The following PLCD3 variants were observed in gnomAD, a reference collection of about 807,000 sequenced individuals.
PLCD3 encodes the protein phospholipase C delta 3, also known as 1-phosphatidylinositol 4,5-bisphosphate phosphodiesterase delta-3.
Under a neutral mutation model 82.8 loss-of-function variants are expected in PLCD3, and 62 were observed. The observed-to-expected ratio is 0.75, with a 90% confidence interval of 0.61 to 0.93. The LOEUF (loss-of-function observed/expected upper bound fraction) is 0.93. PLCD3 is among the 40% of genes least tolerant of loss of function. The pLI is 0.00. For synonymous variants in PLCD3, 478 were observed against 471.8 expected, an observed-to-expected ratio of 1.01 and a Z score of -0.17; for missense variants, 1,023 against 1,103.4, an observed-to-expected ratio of 0.93 and a Z score of 1.03.
rs527676443 is a variant in PLCD3, at chr17:45,120,735, C to T, written c.554+167G>A. Among the ~76,000 whole-genome samples the T allele has an allele frequency of 3.3e-4, 51 of 152,314 alleles. 1 individual carries two copies. Among genetic ancestry groups the T allele is most frequent in the Non-Finnish European group, 6.0e-4 (41 of 68,016 alleles). On this transcript the variant is annotated intron_variant, in intron 3 of 14. Coordinates refer to ENST00000619929, the MANE Select transcript of PLCD3 (RefSeq NM_133373.5). ...GGTGGGAGCTTGGGCCTAGCCAGGG[C>T]GCGTGTCCCCACCCTCAGTTTCGAA... is the stretch of plus-strand genomic sequence containing the variant.
Position 45,118,141 on chromosome 17 carries a change from G to C in PLCD3, c.1116-3C>G, listed in dbSNP as rs1170274932. 2 of 1,613,956 alleles carry C rather than the reference G, an allele frequency of 1.2e-6. No individual in the cohort carries two copies. The highest frequency in any genetic ancestry group is 2.2e-5 in the South Asian group (2 of 91,082). Reference sequence around the variant, plus strand: ...AGCGGCATCCCTGGGCAAAGGCCCTGTGTGTGGACAGATGGGTGGACGGGC... The same window carrying C: ...AGCGGCATCCCTGGGCAAAGGCCCTCTGTGTGGACAGATGGGTGGACGGGC... On this transcript the variant is annotated splice_region_variant and splice_polypyrimidine_tract_variant and intron_variant, in intron 6 of 14. Transcript: ENST00000619929. The surrounding 1 kb of genome is among the most constrained non-coding windows in gnomAD (Gnocchi z 4.1).
intron 1 of PLCD3, among the ~76,000 whole-genome samples, chr17:45,126,625 T>C (rs1330031314): frequency 6.6e-6 from 1 of 151,568 alleles, no homozygotes; most frequent in Non-Finnish European, 1.5e-5. Flanking sequence ...ATTTTTAAAG[T>C]TTAATGATAT....
At chr17:45,119,124 A>C in intron 4 of PLCD3, 81 bp from the exon 5 acceptor site, 31 of 1,073,276 alleles carry the variant, frequency 2.9e-5, no homozygotes, top group Non-Finnish European at 4.1e-5. Flanking sequence ...CATCTACCAC[A>C]TCTGAGAAGG....
chr17:45,132,272 C>A lies in PLCD3; in HGVS notation c.139G>T (p.Gly47Trp). ...CCCATCTTCTTCAGCGCCCGCAGCC[C>A]GGGCCTCTTGGTGCCGCCATCGGAG... ...TPSDGGTKRP[G>W]LRALKKMGLT... is the part of the protein sequence containing the mutation. Residue 47 changes from glycine to tryptophan, a missense_variant, in exon 1 of 15, where the codon GGG becomes TGG. By Grantham distance (184) the Gly-to-Trp change is radical. Around this residue, in one of 3 missense-constraint regions of PLCD3, gnomAD observed 448 missense variants for 406.3 expected, o/e 1.10. Transcript: ENST00000619929. The surrounding 1 kb of genome is among the most constrained non-coding windows in gnomAD (Gnocchi z 4.6). 7.8e-7 allele frequency: 1 copy of A among 1,274,982 alleles called. No individual in the cohort carries two copies. Among genetic ancestry groups the A allele is most frequent in the East Asian group, 2.9e-5 (1 of 34,378 alleles). The allele number at this position is 1,274,982 out of a possible 1,614,324, so 79.0% of individuals were successfully genotyped here.
At chr17:45,131,195 C>T (rs1181851791) in intron 1 of PLCD3, among the ~76,000 whole-genome samples, 1 of 152,144 alleles carries the variant, frequency 6.6e-6, no homozygotes, top group Non-Finnish European at 1.5e-5. Context: ...TGGAATGAGT[C>T]GAGGTAACAA....
At chr17:45,124,280 C>G (rs9890150) in intron 1 of PLCD3, among the ~76,000 whole-genome samples, 1,880 of 152,368 alleles carry the variant, frequency 0.012, 33 homozygotes, top group African/African-American at 0.042. Flanking sequence ...GCAGCCTGAA[C>G]GCCTGACTGG....
chr17:45,114,279 T>C lies in PLCD3; in HGVS notation c.1799A>G (p.Gln600Arg), dbSNP rs1265835754. The change falls in exon 11 of 15, where the codon CAG becomes CGG. Residue 600 changes from glutamine to arginine, a missense_variant. Physicochemically the swap from Gln to Arg is conservative, Grantham distance 43. Coordinates refer to ENST00000619929, the MANE Select transcript of PLCD3 (RefSeq NM_133373.5). ...CTGACAGCCCGAGTTCCACATCTCC[T>C]GGGGACTGTAGTTGGCTGAGTTCAT... The part of the protein sequence containing the change: ...LRMNSANYSP[Q>R]EMWNSGCQLV... 14 of 1,546,392 alleles carry C rather than the reference T, an allele frequency of 9.1e-6. No homozygotes were observed. Among genetic ancestry groups the C allele is most frequent in the Non-Finnish European group, 1.2e-5 (14 of 1,145,014 alleles).
At chr17:45,125,454 G>A (rs1033601301) in intron 1 of PLCD3, among the ~76,000 whole-genome samples, 7 of 152,178 alleles carry the variant, frequency 4.6e-5, no homozygotes, top group African/African-American at 9.7e-5. Flanking sequence ...GAAAACAGCC[G>A]AGCATGGTGG....
rs1251795144 is a variant in PLCD3 at position 45,112,179 on chromosome 17, T to C, written c.*437A>G. On this transcript the variant is annotated 3_prime_UTR_variant, in exon 15 of 15. Transcript: ENST00000619929. Reference sequence around the variant, plus strand: ...AGGAAGGCCTGGGGTAAAGGAGGGCTTAGGGGCTAAGCTCGGGGTCGGGGC... The same window carrying C: ...AGGAAGGCCTGGGGTAAAGGAGGGCCTAGGGGCTAAGCTCGGGGTCGGGGC... 1.1e-5 allele frequency: 2 copies of C among 183,060 alleles called. No individual in the cohort carries two copies. Among genetic ancestry groups the C allele is most frequent in the Admixed American group, 5.5e-5 (1 of 18,242 alleles). The allele number at this position is 183,060 out of a possible 1,614,324, so 11.3% of individuals were successfully genotyped here.
chr17:45,112,233 G>A lies in PLCD3; in HGVS notation c.*383C>T, dbSNP rs2054248480. ...GTGGAGTGACTGCGCTCCTCTGGGG[G>A]AAGGAGGCTGGGATGGCCCACGGGA... is the stretch of plus-strand genomic sequence containing the variant. On this transcript the variant is annotated 3_prime_UTR_variant, in exon 15 of 15. Coordinates refer to ENST00000619929, the MANE Select transcript of PLCD3 (RefSeq NM_133373.5). The A allele has an allele frequency of 8.4e-6, 2 of 237,468 alleles. No homozygotes were observed. The highest frequency in any genetic ancestry group is 6.0e-5 in the South Asian group (1 of 16,540). The allele number at this position is 237,468 out of a possible 1,614,324, so 14.7% of individuals were successfully genotyped here.
At chr17:45,117,046 C>T (rs112162280) in intron 7 of PLCD3, among the ~76,000 whole-genome samples, 41,668 of 151,972 alleles carry the variant, frequency 0.27, 5,929 homozygotes, top group Middle Eastern at 0.36. Context: ...CGGGTTCAAG[C>T]GATTCTCCCT....
chr17:45,127,708 A>T (rs1268876512), intron 1 of PLCD3, among the ~76,000 whole-genome samples: 3 of 151,976 alleles, frequency 2.0e-5, no homozygotes, highest in Non-Finnish European at 4.4e-5. Context: ...GGTGGCATGC[A>T]GGCAGGGCAG....
chr17:45,121,046 C>T lies in PLCD3; in HGVS notation c.410G>A (p.Arg137His). 1 of 1,539,198 alleles carries T rather than the reference C, an allele frequency of 6.5e-7. No homozygotes were observed. The highest frequency in any genetic ancestry group is 1.2e-5 in the South Asian group (1 of 83,826). ...GCCCTTGAAGGCGATGGTGAGGCAG[C>T]GCGCTGGCGCGAAGGCACCCCCGAA... is the stretch of plus-strand genomic sequence containing the variant. ...RRFGGAFAPA[R>H]CLTIAFKGRR... Residue 137 changes from arginine to histidine, a missense_variant, in exon 3 of 15, where the codon CGC becomes CAC. Transcript: ENST00000619929.
chr17:45,114,223 G>A (rs2054270993), intron 11 of PLCD3, 27 bp downstream of exon 11: 2 of 1,499,698 alleles, frequency 1.3e-6, no homozygotes, highest in Admixed American at 4.5e-5. Context: ...CACCCCGCCT[G>A]CTCTCATTCC....
In PLCD3 at chr17:45,118,233, C is replaced by T; in HGVS notation, c.1115+58G>A. The stretch of plus-strand genomic sequence containing the variant: ...CTGGGCCAGGAAGGCCCCAGGAAGC[C>T]AGCCCATGTCTCTCCCCAGGTGGGG... On this transcript the variant is annotated intron_variant, in intron 6 of 14. Transcript: ENST00000619929. This position sits in a 1 kb window ranked among gnomAD's most constrained non-coding sequence, Gnocchi z 4.1. The T allele has an allele frequency of 6.2e-7, 1 of 1,611,338 alleles. No homozygotes were observed. Among genetic ancestry groups the T allele is most frequent in the South Asian group, 1.1e-5 (1 of 90,912 alleles).
rs888297848 is a variant in PLCD3, at chr17:45,115,146, G to A, written c.1659C>T (p.Cys553=). The change falls in exon 10 of 15, where the codon TGC becomes TGT. Residue 553 remains cysteine (C), a synonymous_variant. Coordinates refer to ENST00000619929, the MANE Select transcript of PLCD3 (RefSeq NM_133373.5). ...LHPAPNAPQP[C]QVSSLSERKA... is the part of the protein sequence containing the mutation. ...TGCGCTCGCTGAGGGAGCTGACCTG[G>A]CAGGGTTGTGGGGCGTTGGGGGCAG... 1 of 1,600,870 alleles carries A rather than the reference G, an allele frequency of 6.2e-7. No homozygotes were observed. The highest frequency in any genetic ancestry group is 1.7e-5 in the Admixed American group (1 of 57,964).
rs1173418749 is a variant in PLCD3 at position 45,111,074 on chromosome 17, C to T, written c.*1542G>A. 1 of 152,254 alleles carries T rather than the reference C, an allele frequency of 6.6e-6. No individual in the cohort carries two copies. Among genetic ancestry groups the T allele is most frequent in the African/African-American group, 2.4e-5 (1 of 41,454 alleles). The allele number at this position is 152,254 out of a possible 1,614,324, so 9.4% of individuals were successfully genotyped here. A position where few individuals can be genotyped will look rare whatever the true frequency, so the allele number is the denominator to read the frequency against. Reference sequence around the variant, plus strand: ...TGCCGGCACTGTTGGCTGGCAGAACCTAAAACACCAGGCCTCCACATTTCA... The same window carrying T: ...TGCCGGCACTGTTGGCTGGCAGAACTTAAAACACCAGGCCTCCACATTTCA... On this transcript the variant is annotated 3_prime_UTR_variant, in exon 15 of 15. Coordinates refer to ENST00000619929, the MANE Select transcript of PLCD3 (RefSeq NM_133373.5).
At chr17:45,116,513 G>A (rs1234727728) in intron 8 of PLCD3, 119 bp downstream of exon 8, 9 of 1,128,442 alleles carry the variant, frequency 8.0e-6, no homozygotes, top group Non-Finnish European at 1.1e-5. Context: ...GAGGAACAGA[G>A]AAAAGTTAAG....
At chr17:45,130,729 C>CA (rs1472048041) in intron 1 of PLCD3, among the ~76,000 whole-genome samples, 1 of 152,074 alleles carries the variant, frequency 6.6e-6, no homozygotes, top group African/African-American at 2.4e-5. Flanking sequence ...ACCTGCCCCC[C>CA]ACTCTCCACA....
Sources: gnomAD v4.1 joint callset for allele counts (sites outside exome capture counted in the v4.1 genomes callset) on GRCh38, gnomAD v4.1.1 for gene constraint, gnomAD v4.1.1 regional missense constraint, Gnocchi (gnomAD v3.1) non-coding constraint, MANE v1.5 for transcripts, NCBI Gene and HGNC (gene_info 2026-07-23, HGNC 2026-07-21) for gene names.